Variants in REPS1 observed in about 807,000 individuals in gnomAD.
REPS1 encodes the protein RALBP1 associated Eps domain containing 1.
A neutral mutation model predicts 100.9 loss-of-function variants in REPS1; 39 were observed. The observed-to-expected ratio is 0.39, with a 90% CI of 0.30 to 0.50. The LOEUF is 0.50. Among genes scored for constraint, REPS1 ranks in the 20% least tolerant of loss-of-function variants. The pLI, the probability that REPS1 is intolerant of heterozygous loss-of-function variation, is 0.86. For synonymous variants in REPS1, 324 were observed against 340.3 expected (o/e 0.95, Z 0.53); for missense variants, 821 against 968.5 (o/e 0.85, Z 2.02).
At chr6:138,941,521 C>T (rs374116877) in intron 7 of REPS1, 32 bp from the exon 8 acceptor site, 13 of 1,591,842 alleles carry the variant, frequency 8.2e-6, no homozygotes, top group African/African-American at 6.7e-5. Context: ...AATATAATCA[C>T]ATTCCGCTTT....
intron 2 of REPS1, 82 bp from the exon 3 acceptor site, chr6:138,945,779 T>A: frequency 7.7e-6 from 9 of 1,163,874 alleles, no homozygotes; most frequent in Non-Finnish European, 9.3e-6. Context: ...GAATTAGATA[T>A]TAGAATTTTT....
intron 1 of REPS1, among the ~76,000 whole-genome samples, chr6:138,959,302 G>GA (rs1162893177): frequency 2.6e-5 from 4 of 152,112 alleles, no homozygotes; most frequent in African/African-American, 4.8e-5. Context: ...TTCCTGGTGA[G>GA]AAAAAACCGA....
intron 8 of REPS1, chr6:138,934,207 G>A (rs1781659492): frequency 2.6e-6 from 1 of 388,854 alleles, no homozygotes; most frequent in African/African-American, 2.1e-5. Context: ...GGAGGCAGGG[G>A]TGTAGTTTTA....
chr6:138,962,981 A>G (rs535619178), intron 1 of REPS1, among the ~76,000 whole-genome samples: 40 of 152,280 alleles, frequency 2.6e-4, no homozygotes, highest in African/African-American at 9.1e-4. Context: ...ATTTTAAAGA[A>G]CAAACTTCTA....
intron 11 of REPS1, 104 bp from the exon 12 acceptor site, chr6:138,920,420 C>T: frequency 2.0e-6 from 1 of 499,744 alleles, no homozygotes; most frequent in East Asian, 3.1e-5. Context: ...AAAGAAGTGG[C>T]AGGTAAATCC....
At chr6:138,963,084 G>C (rs575749995) in intron 1 of REPS1, among the ~76,000 whole-genome samples, 24 of 151,926 alleles carry the variant, frequency 1.6e-4, no homozygotes, top group African/African-American at 5.8e-4. Flanking sequence ...CCTACCTCTG[G>C]GTGACACAGC....
chr6:138,964,756 T>A (rs1783922300), intron 1 of REPS1, among the ~76,000 whole-genome samples: 1 of 152,006 alleles, frequency 6.6e-6, no homozygotes, highest in African/African-American at 2.4e-5. Context: ...TAGAAATGTC[T>A]TCTGTAACTT....
intron 7 of REPS1, among the ~76,000 whole-genome samples, chr6:138,942,213 T>G (rs1230178173): frequency 6.6e-6 from 1 of 152,184 alleles, no homozygotes; most frequent in African/African-American, 2.4e-5. Context: ...CCACTCCACC[T>G]TGCTGTCTAT....
intron 13 of REPS1, 113 bp downstream of exon 13, chr6:138,917,442 G>A (rs1780474464): frequency 1.3e-6 from 1 of 786,732 alleles, no homozygotes; most frequent in African/African-American, 1.8e-5. Flanking sequence ...AAATCAAAAA[G>A]TAACCTAACA....
intron 1 of REPS1, 38 bp downstream of exon 1, chr6:138,987,492 G>C: frequency 6.5e-7 from 1 of 1,530,208 alleles, no homozygotes; most frequent in Non-Finnish European, 8.8e-7. Flanking sequence ...AGTGACTGCA[G>C]GCCTAAGCCG....
At chr6:138,952,402 T>TC (rs1404740329) in intron 1 of REPS1, among the ~76,000 whole-genome samples, 1 of 149,994 alleles carries the variant, frequency 6.7e-6, no homozygotes, top group East Asian at 1.9e-4. Context: ...TTTTTTTTCT[T>TC]TTTTTTTTTC....
At chr6:138,950,298 A>C (rs956051347) in intron 1 of REPS1, among the ~76,000 whole-genome samples, 3 of 152,026 alleles carry the variant, frequency 2.0e-5, no homozygotes, top group Non-Finnish European at 4.4e-5. Flanking sequence ...ACATGGTGAG[A>C]TCTCATCTAT....
chr6:138,968,947 G>A (rs1784163715), intron 1 of REPS1, among the ~76,000 whole-genome samples: 1 of 152,094 alleles, frequency 6.6e-6, no homozygotes, highest in African/African-American at 2.4e-5. Context: ...GCAAGAATTG[G>A]GTACACATCT....
intron 1 of REPS1, among the ~76,000 whole-genome samples, chr6:138,987,076 T>C (rs922348221): frequency 2.0e-5 from 3 of 152,210 alleles, no homozygotes; most frequent in African/African-American, 7.2e-5. Context: ...GCTTCTTCGA[T>C]TCCTAAATCT....
chr6:138,914,917 T>C (rs1780250882), intron 14 of REPS1, 156 bp from the exon 15 acceptor site: 1 of 642,482 alleles, frequency 1.6e-6, no homozygotes, highest in Admixed American at 3.2e-5. Context: ...GGTCTGTATG[T>C]AACCTAAAGA....
chr6:138,956,974 C>T (rs1374038215), intron 1 of REPS1, among the ~76,000 whole-genome samples: 3 of 150,988 alleles, frequency 2.0e-5, no homozygotes, highest in African/African-American at 4.9e-5. Flanking sequence ...AATAGAAACA[C>T]TAGAAGATAA....
In REPS1 at chr6:138,945,282, T is replaced by A. The variant is rs538823952; in HGVS notation, c.565A>T (p.Asn189Tyr). The change falls in exon 4 of 20, where the codon AAT becomes TAT. Residue 189 changes from asparagine to tyrosine, a missense_variant. Coordinates refer to ENST00000450536, the MANE Select transcript of REPS1 (RefSeq NM_001286611.2). ...RKHSRHPSGGNSERPLAGPGP... is the reference protein window; with the variant it reads ...RKHSRHPSGGYSERPLAGPGP... ...GGTCCCGCGAGAGGCCTCTCACTAT[T>A]CCCACCGCTGGGATGACGGCTGTGC... The A allele has an allele frequency of 2.5e-6, 4 of 1,611,634 alleles. No homozygotes were observed. The Admixed American group carries it at 5.0e-5, about 20-fold the overall frequency.
At chr6:138,944,060 A>G in intron 5 of REPS1, 45 bp from the exon 6 acceptor site, 1 of 1,558,644 alleles carries the variant, frequency 6.4e-7, no homozygotes, top group Non-Finnish European at 8.8e-7. Context: ...TACCTACATG[A>G]TTATATGGAC....
intron 8 of REPS1, among the ~76,000 whole-genome samples, chr6:138,931,229 G>T (rs1454387663): frequency 2.6e-5 from 4 of 152,106 alleles, no homozygotes; most frequent in African/African-American, 9.7e-5. Context: ...TATAATATAA[G>T]CTAGCAATGT....
Sources: allele counts gnomAD v4.1 joint callset (sites outside exome capture counted in the v4.1 genomes callset), GRCh38; gene constraint gnomAD v4.1.1; transcripts MANE v1.5; gene names NCBI Gene and HGNC (gene_info 2026-07-23, HGNC 2026-07-21).